Variants in CCZ1 observed in about 807,000 individuals in gnomAD.
CCZ1 encodes the protein vacuolar fusion protein CCZ1 homolog.
Under a neutral mutation model 57.8 loss-of-function variants are expected in CCZ1, and 19 were observed. The observed-to-expected ratio is 0.33, with a 90% CI of 0.23 to 0.48. The LOEUF is 0.48. Ranked by LOEUF, CCZ1 falls within the 20% of genes least tolerant of loss-of-function variation. The probability of loss-of-function intolerance (pLI) is 0.99; values close to 1 mark genes in which losing one functional copy is unlikely to be tolerated. For synonymous variants in CCZ1, 81 were observed against 167.0 expected, an observed-to-expected ratio of 0.49 and a Z score of 3.97; for missense variants, 200 against 492.0, an observed-to-expected ratio of 0.41 and a Z score of 5.61.
intron 7 of CCZ1, among the ~76,000 whole-genome samples, chr7:5,905,775 T>TTTTTTTTTTTTTTTTTTTTTTTTTGGA (rs1451891497): frequency 6.7e-5 from 5 of 74,620 alleles, no homozygotes; most frequent in East Asian, 6.1e-4. Context: ...AGAGAGACTC[T>TTTTTTTTTTTTTTTTTTTTTTTTTGGA]GTCTCCAAAA....
At chr7:5,899,710 G>A (rs1394724135) in intron 1 of CCZ1, among the ~76,000 whole-genome samples, 2 of 150,324 alleles carry the variant, frequency 1.3e-5, no homozygotes, top group Non-Finnish European at 3.0e-5. Context: ...GAGGCTGCAG[G>A]TGAGCTGTAA....
At chr7:5,903,404 C>G (rs1583181665) in intron 6 of CCZ1, among the ~76,000 whole-genome samples, 1 of 145,996 alleles carries the variant, frequency 6.8e-6, no homozygotes, top group Non-Finnish European at 1.5e-5. Flanking sequence ...AAGGCATGAG[C>G]CAACTCGCCC....
At chr7:5,919,566 T>TA in intron 11 of CCZ1, 1 of 410,288 alleles carries the variant, frequency 2.4e-6, no homozygotes, top group Non-Finnish European at 4.6e-6. Flanking sequence ...GTTTGTTAAA[T>TA]AAACATACGA....
At chr7:5,901,478 C>G in intron 4 of CCZ1, 179 bp from the exon 5 acceptor site, 1 of 1,010,140 alleles carries the variant, frequency 9.9e-7, no homozygotes, top group Non-Finnish European at 1.3e-6. Flanking sequence ...GAGCGAGACT[C>G]CATCTCAAAA....
At position 5,926,506 on chromosome 7, in the gene CCZ1, A is replaced by G. The variant is rs1224132007; in HGVS notation, c.*819A>G. 1 of 1,604,954 alleles carries G rather than the reference A, an allele frequency of 6.2e-7. No individual in the cohort carries two copies. The highest frequency in any genetic ancestry group is 1.3e-5 in the African/African-American group (1 of 74,502). On this transcript the variant is annotated 3_prime_UTR_variant, in exon 15 of 15. Coordinates refer to ENST00000325974, the MANE Select transcript of CCZ1 (RefSeq NM_015622.6). ...GCACTGTGATGTCCACCTCATAGTC[A>G]TGTCTCTTGGCCTCTTCCTCTCTCA...
intron 14 of CCZ1, among the ~76,000 whole-genome samples, chr7:5,924,195 A>AG: frequency 1.5e-5 from 1 of 68,058 alleles, no homozygotes; most frequent in Non-Finnish European, 3.3e-5. Context: ...ACAATTCTAA[A>AG]AAAAAAAAAA....
chr7:5,921,141 G>A (rs62453626), intron 12 of CCZ1, among the ~76,000 whole-genome samples: 12,992 of 120,552 alleles, frequency 0.11, 1,331 homozygotes, highest in Non-Finnish European at 0.15. Context: ...ATGTTGGTCA[G>A]ACTGGTCTCG....
chr7:5,910,037 G>A lies in CCZ1; in HGVS notation c.701G>A (p.Ser234Asn). The change falls in exon 8 of 15, where the codon AGT becomes AAT. Residue 234 changes from serine to asparagine, a missense_variant and splice_region_variant. Coordinates refer to ENST00000325974, the MANE Select transcript of CCZ1 (RefSeq NM_015622.6). Reference protein sequence around the residue: ...AFLYNDQLIWSGLEQDDMRIL... With the variant: ...AFLYNDQLIWNGLEQDDMRIL... ...CCAGTGCTTTTCTGTTGTTGCAGGA[G>A]TGGATTAGAACAAGATGACATGAGA... 6.2e-7 allele frequency: 1 copy of A among 1,601,670 alleles called. No individual in the cohort carries two copies. The highest frequency in any genetic ancestry group is 1.7e-4 in the Middle Eastern group (1 of 6,022).
At chr7:5,907,648 C>T (rs1007900763) in intron 7 of CCZ1, among the ~76,000 whole-genome samples, 6 of 145,848 alleles carry the variant, frequency 4.1e-5, no homozygotes, top group Non-Finnish European at 7.4e-5. Context: ...GACAATCTGG[C>T]GCCCAGCTCT....
At chr7:5,904,188 G>C (rs1334865784) in intron 6 of CCZ1, among the ~76,000 whole-genome samples, 1 of 124,410 alleles carries the variant, frequency 8.0e-6, no homozygotes, top group Non-Finnish European at 1.6e-5. Flanking sequence ...AGTCTCCCAA[G>C]TTCAAGTGAT....
chr7:5,909,106 C>CTTTT (rs10645268), intron 7 of CCZ1, among the ~76,000 whole-genome samples: 1 of 140,508 alleles, frequency 7.1e-6, no homozygotes, highest in Non-Finnish European at 1.5e-5. Context: ...TCCCTTGTGA[C>CTTTT]TTTTTTTTTT....
At chr7:5,903,632 T>C (rs1215407404) in intron 6 of CCZ1, among the ~76,000 whole-genome samples, 1 of 138,896 alleles carries the variant, frequency 7.2e-6, no homozygotes. Flanking sequence ...CATTTCTCTC[T>C]TACCCATCAA....
chr7:5,910,491 T>C (rs886684204), intron 8 of CCZ1, among the ~76,000 whole-genome samples: 5 of 147,602 alleles, frequency 3.4e-5, no homozygotes, highest in African/African-American at 1.2e-4. Context: ...CACGCCCAGC[T>C]AATTTTTTTG....
At chr7:5,908,664 G>A (rs1781893043) in intron 7 of CCZ1, among the ~76,000 whole-genome samples, 1 of 147,320 alleles carries the variant, frequency 6.8e-6, no homozygotes, top group Non-Finnish European at 1.5e-5. Context: ...ACAGGTGTGA[G>A]CTTCCGCGCC....
rs1463751585 is a variant in CCZ1 at position 5,905,708 on chromosome 7, G to A, written c.698+439G>A. Among the ~76,000 whole-genome samples the A allele has an allele frequency of 8.2e-5, 11 of 134,064 alleles. No individual in the cohort carries two copies. In the East Asian group the frequency reaches 9.2e-4, roughly 11 times the overall value. The allele number at this position is 134,064 out of a possible 152,430, so 88.0% of individuals were successfully genotyped here. ...GAGGCAGGAGAATCACTTGAACCCGGGAGGCGGAGGTTGCAGTGAGCCGAG... is the reference window on the plus strand; with the variant it reads ...GAGGCAGGAGAATCACTTGAACCCGAGAGGCGGAGGTTGCAGTGAGCCGAG... On this transcript the variant is annotated intron_variant, in intron 7 of 14. Transcript: ENST00000325974.
intron 8 of CCZ1, among the ~76,000 whole-genome samples, chr7:5,911,325 C>A (rs928871230): frequency 2.7e-5 from 4 of 148,976 alleles, no homozygotes; most frequent in Non-Finnish European, 5.9e-5. Context: ...TCCCTCTTGT[C>A]CTCCTGCTTT....
At chr7:5,906,752 G>C (rs1781836257) in intron 7 of CCZ1, among the ~76,000 whole-genome samples, 1 of 150,428 alleles carries the variant, frequency 6.6e-6, no homozygotes, top group Non-Finnish European at 1.5e-5. Flanking sequence ...TCCATTTTAA[G>C]AAGAGAAACA....
intron 9 of CCZ1, among the ~76,000 whole-genome samples, chr7:5,912,376 C>CTTTTTTT (rs1779057480): frequency 1.0e-5 from 1 of 99,850 alleles, no homozygotes; most frequent in Non-Finnish European, 1.9e-5. Context: ...TTCAGCATAC[C>CTTTTTTT]CTTTTTTTTT....
rs200899553 is a variant in CCZ1, at chr7:5,920,470, C to CTTTTTTTTTTTTTTTTTTTTTTTTT, written c.1106+521_1106+522insTTTTTTTTTTTTTTTTTTTTTTTTT. Among the ~76,000 whole-genome samples, 39 of 95,964 alleles carry CTTTTTTTTTTTTTTTTTTTTTTTTT rather than the reference C, an allele frequency of 4.1e-4. 2 individuals carry two copies. The highest frequency in any genetic ancestry group is 1.1e-3 in the South Asian group (4 of 3,670). The allele number at this position is 95,964 out of a possible 152,430, so 63.0% of individuals were successfully genotyped here. A position where few individuals can be genotyped will look rare whatever the true frequency, so the allele number is the denominator to read the frequency against. On this transcript the variant is annotated intron_variant, in intron 12 of 14. Transcript: ENST00000325974. ...ATGTCCTTGAATTCTTTCTCCCTGG[C>CTTTTTTTTTTTTTTTTTTTTTTTTT]TTTTTTTTTTTTTTTTTGAGACAAA...
Sources: gnomAD v4.1 joint callset for allele counts (sites outside exome capture counted in the v4.1 genomes callset) on GRCh38, gnomAD v4.1.1 for gene constraint, MANE v1.5 for transcripts, NCBI Gene and HGNC (gene_info 2026-07-23, HGNC 2026-07-21) for gene names.